TULP1: variants seen among roughly 807,000 people sequenced by gnomAD.
TULP1 encodes the protein TUB like protein 1, also known as tubby-related protein 1.
A neutral mutation model predicts 67.1 loss-of-function variants in TULP1; 50 were observed. The ratio of observed to expected loss-of-function variants is 0.75; its 90% CI spans 0.59 to 0.94. The LOEUF is 0.94. TULP1 is among the 40% of genes least tolerant of loss of function. The pLI is 0.00. For synonymous variants in TULP1, 297 were observed against 294.0 expected (o/e 1.01, Z -0.11); for missense variants, 746 against 734.1 (o/e 1.02, Z -0.19).
At position 35,506,050 on chromosome 6, in the gene TULP1, G is replaced by T. The variant is rs1214001883; in HGVS notation, c.952C>A (p.Arg318=). ...AGGAAGTAGGAGGGATACATGCCTC[G>T]ATCCATGCCCTTTTTGTCCCGGGTC... ...RLTRDKKGMD[R]GMYPSYFLHL... is the part of the protein sequence containing the mutation. The change falls in exon 10 of 15, where the codon CGA becomes AGA. Residue 318 remains arginine (R), a synonymous_variant. Transcript: ENST00000229771. The T allele has an allele frequency of 6.2e-7, 1 of 1,613,808 alleles. No homozygotes were observed. The highest frequency in any genetic ancestry group is 8.5e-7 in the Non-Finnish European group (1 of 1,180,034).
intron 14 of TULP1, among the ~76,000 whole-genome samples, chr6:35,499,747 A>G (rs932572944): frequency 2.0e-5 from 3 of 152,170 alleles, no homozygotes; most frequent in African/African-American, 2.4e-5. Context: ...TGCTCTGGCC[A>G]ATGCTGGAAT....
chr6:35,500,154 TGGGGTGCCCCAGG>T lies in TULP1; in HGVS notation c.1324-15_1324-3del. 1 of 1,613,918 alleles carries T rather than the reference TGGGGTGCCCCAGG, an allele frequency of 6.2e-7. No individual in the cohort carries two copies. Among genetic ancestry groups the T allele is most frequent in the Non-Finnish European group, 8.5e-7 (1 of 1,180,016 alleles). ...GCGCACCAGCAGGCCGTCACTAGCC[TGGGGTGCCCCAGG>T]GGAGTAGACAGGGAGAGGACAGTTA... On this transcript the variant is annotated splice_region_variant and splice_polypyrimidine_tract_variant and intron_variant, in intron 13 of 14. Coordinates refer to ENST00000229771, the MANE Select transcript of TULP1 (RefSeq NM_003322.6).
chr6:35,508,151 G>C (rs1214224804), intron 8 of TULP1, among the ~76,000 whole-genome samples: 1 of 152,220 alleles, frequency 6.6e-6, no homozygotes, highest in African/African-American at 2.4e-5. Context: ...CAGGTTTGCA[G>C]TGTGTTTGAG....
chr6:35,501,509 GAAA>G (rs67875217), intron 13 of TULP1, among the ~76,000 whole-genome samples: 1 of 88,778 alleles, frequency 1.1e-5, no homozygotes, highest in Non-Finnish European at 2.0e-5. Flanking sequence ...CTCGGTCTCA[GAAA>G]AAAAAAAAAA....
chr6:35,498,147 C>G lies in TULP1; in HGVS notation c.*180G>C. The G allele has an allele frequency of 1.9e-6, 2 of 1,049,978 alleles. No individual in the cohort carries two copies. The highest frequency in any genetic ancestry group is 2.7e-6 in the Non-Finnish European group (2 of 742,714). The allele number at this position is 1,049,978 out of a possible 1,614,324, so 65.0% of individuals were successfully genotyped here. A position where few individuals can be genotyped will look rare whatever the true frequency, so the allele number is the denominator to read the frequency against. ...TCCGTCCTACCCGCCGTCCGGGCTC[C>G]TCCTGCCTCGGCCTGTGCCAGGCTG... On this transcript the variant is annotated 3_prime_UTR_variant, in exon 15 of 15. Transcript: ENST00000229771. The surrounding 1 kb of genome is among the most constrained non-coding windows in gnomAD (Gnocchi z 6.7).
At position 35,498,003 on chromosome 6, in the gene TULP1, A is replaced by G. The variant is rs891492621; in HGVS notation, c.*324T>C. On this transcript the variant is annotated 3_prime_UTR_variant, in exon 15 of 15. Transcript: ENST00000229771. The surrounding 1 kb of genome is among the most constrained non-coding windows in gnomAD (Gnocchi z 6.7). ...GGTCCCGGGGAGAGGGGAGGTTAAAACAACAATGACTACTGCTCCCGGACA... is the reference window on the plus strand; with the variant it reads ...GGTCCCGGGGAGAGGGGAGGTTAAAGCAACAATGACTACTGCTCCCGGACA... The G allele has an allele frequency of 3.4e-5, 17 of 503,342 alleles. No individual in the cohort carries two copies. Among genetic ancestry groups the G allele is most frequent in the African/African-American group, 3.3e-4 (17 of 51,780 alleles). 31.2% of individuals were successfully genotyped at this position (503,342 alleles called of 1,614,324 possible). A position where few individuals can be genotyped will look rare whatever the true frequency, so the allele number is the denominator to read the frequency against.
At chr6:35,510,651 C>CA in intron 5 of TULP1, 1 of 1,014,848 alleles carries the variant, frequency 9.9e-7, no homozygotes, top group Admixed American at 2.7e-5. Context: ...GCTCAAGGGG[C>CA]AGGGGCAGTG....
Position 35,509,717 on chromosome 6 carries a change from C to G in TULP1, c.635G>C (p.Ser212Thr), listed in dbSNP as rs1371203038. ...TGGGCTCTTCCTCGCACTGGCTGGG[C>G]TCCCTGAGGGGTCCTTGTCGGCCTC... Reference protein sequence around the residue: ...SGEADKDPSGSPASARKSPAA... With the variant: ...SGEADKDPSGTPASARKSPAA... The change falls in exon 7 of 15, where the codon AGC becomes ACC. Residue 212 changes from serine (S) to threonine (T), a missense_variant. Transcript: ENST00000229771. The G allele has an allele frequency of 6.2e-7, 1 of 1,614,118 alleles. No individual in the cohort carries two copies. The highest frequency in any genetic ancestry group is 8.5e-7 in the Non-Finnish European group (1 of 1,180,028).
intron 13 of TULP1, among the ~76,000 whole-genome samples, chr6:35,502,030 G>A (rs1760977297): frequency 6.6e-6 from 1 of 151,926 alleles, no homozygotes; most frequent in Non-Finnish European, 1.5e-5. Context: ...TCTTCCCACT[G>A]CCCAGGTGCT....
At chr6:35,501,229 A>G (rs1451015911) in intron 13 of TULP1, among the ~76,000 whole-genome samples, 1 of 152,142 alleles carries the variant, frequency 6.6e-6, no homozygotes, top group Non-Finnish European at 1.5e-5. Context: ...AAGTCATGCC[A>G]AGCACAGTGG....
In TULP1 at chr6:35,512,221, TC is replaced by T. The variant is rs779910894; in HGVS notation, c.148del (p.Glu50AsnfsTer59). 9.4e-5 allele frequency: 128 copies of T among 1,366,614 alleles called. No individual in the cohort carries two copies. The highest frequency in any genetic ancestry group is 1.9e-6 in the Non-Finnish European group (2 of 1,059,164). 84.7% of individuals were successfully genotyped at this position (1,366,614 alleles called of 1,614,324 possible). On this transcript the variant is annotated frameshift_variant, in exon 3 of 15. Transcript: ENST00000229771. LOFTEE classifies it high-confidence loss of function. The stretch of plus-strand genomic sequence containing the variant: ...CTTGGATCCCGTGGGGCAGGGGGAT[TC>T]GGGGGCCTCCGTCCTCTTCTTCCTT... ...RLRKKRTEAPESPCPTGSKPR... is the reference protein window; with the variant it reads ...RLRKKRTEAPXSPCPTGSKPR...
chr6:35,512,459 C>A (rs1224263613), intron 2 of TULP1, among the ~76,000 whole-genome samples, 180 bp downstream of exon 2: 1 of 152,064 alleles, frequency 6.6e-6, no homozygotes, highest in Non-Finnish European at 1.5e-5. Flanking sequence ...CTCCAAAGTC[C>A]CTATTCCTTC....
At position 35,509,328 on chromosome 6, in the gene TULP1, G is replaced by A. The variant is rs761950348; in HGVS notation, c.719-16C>T. 6.2e-7 allele frequency: 1 copy of A among 1,611,718 alleles called. No individual in the cohort carries two copies. Among genetic ancestry groups the A allele is most frequent in the Non-Finnish European group, 8.5e-7 (1 of 1,177,942 alleles). Reference sequence around the variant, plus strand: ...TTGGGAGTGCCTGAGCGTGGAGGGGGAAACAAGGCTGTGAACTCCTCACCC... The same window carrying A: ...TTGGGAGTGCCTGAGCGTGGAGGGGAAAACAAGGCTGTGAACTCCTCACCC... On this transcript the variant is annotated splice_polypyrimidine_tract_variant and intron_variant, in intron 7 of 14. Transcript: ENST00000229771.
rs1768740651 is a variant in TULP1 at position 35,498,121 on chromosome 6, C to G, written c.*206G>C. 1 of 799,186 alleles carries G rather than the reference C, an allele frequency of 1.3e-6. No individual in the cohort carries two copies. Among genetic ancestry groups the G allele is most frequent in the Non-Finnish European group, 1.9e-6 (1 of 517,014 alleles). The allele number at this position is 799,186 out of a possible 1,614,324, so 49.5% of individuals were successfully genotyped here. On this transcript the variant is annotated 3_prime_UTR_variant, in exon 15 of 15. Coordinates refer to ENST00000229771, the MANE Select transcript of TULP1 (RefSeq NM_003322.6). The surrounding 1 kb of genome is among the most constrained non-coding windows in gnomAD (Gnocchi z 6.7). ...GGCTCCAACTCCAGATGTTCTTCAT[C>G]TCCGTCCTACCCGCCGTCCGGGCTC...
rs986255916 is a variant in TULP1, at chr6:35,506,049, C to A, written c.953G>T (p.Arg318Leu). 9.3e-6 allele frequency: 15 copies of A among 1,613,742 alleles called. No homozygotes were observed. The African/African-American group carries it at 1.9e-4, about 20-fold the overall frequency. ...CAGGAAGTAGGAGGGATACATGCCTCGATCCATGCCCTTTTTGTCCCGGGT... is the reference window on the plus strand; with the variant it reads ...CAGGAAGTAGGAGGGATACATGCCTAGATCCATGCCCTTTTTGTCCCGGGT... ...RLTRDKKGMD[R>L]GMYPSYFLHL... is the part of the protein sequence containing the mutation. Residue 318 changes from arginine (R) to leucine (L), a missense_variant, in exon 10 of 15, where the codon CGA (arginine) becomes CTA (leucine). Arg to Leu is a moderately radical substitution (Grantham distance 102). Around this residue, in one of 3 missense-constraint regions of TULP1, gnomAD observed 383 missense variants for 374.1 expected, o/e 1.02. Coordinates refer to ENST00000229771, the MANE Select transcript of TULP1 (RefSeq NM_003322.6).
intron 11 of TULP1, chr6:35,505,517 G>T (rs1272430703): frequency 2.3e-6 from 3 of 1,319,856 alleles, no homozygotes; most frequent in Non-Finnish European, 3.1e-6. Context: ...CATCGCCTGG[G>T]TGCTCATTAA....
rs371436525 is a variant in TULP1, at chr6:35,503,809, G to A, written c.1152C>T (p.Asn384=). 6.2e-5 allele frequency: 100 copies of A among 1,612,788 alleles called. No homozygotes were observed. The highest frequency in any genetic ancestry group is 1.7e-4 in the African/African-American group (13 of 74,904). ...TGTACCCACGCTGTGGGTTCTGCCC[G>A]TTGTCAAAGACCGTGAAGCGGTTCC... The part of the protein sequence containing the change: ...LLGNRFTVFD[N]GQNPQRGYST... Residue 384 remains asparagine, a synonymous_variant, in exon 12 of 15, where the codon AAC becomes AAT. Coordinates refer to ENST00000229771, the MANE Select transcript of TULP1 (RefSeq NM_003322.6). The surrounding 1 kb of genome is among the most constrained non-coding windows in gnomAD (Gnocchi z 4.0).
chr6:35,511,719 C>T lies in TULP1; in HGVS notation c.278G>A (p.Arg93Lys). ...GTCGCGCTTCTTGGCCTCGGGGTCC[C>T]TGAGGAACCTGGCGTAGACCGTCTG... ...APQTVYARFL[R>K]DPEAKKRDPR... Residue 93 changes from arginine (R) to lysine (K), a missense_variant, in exon 4 of 15, where the codon AGG becomes AAG. Arg to Lys is a conservative substitution (Grantham distance 26). Transcript: ENST00000229771. 6.3e-7 allele frequency: 1 copy of T among 1,592,726 alleles called. No homozygotes were observed. The highest frequency in any genetic ancestry group is 8.5e-7 in the Non-Finnish European group (1 of 1,169,880).
intron 10 of TULP1, 56 bp from the exon 11 acceptor site, chr6:35,505,909 A>T: frequency 1.2e-6 from 2 of 1,614,170 alleles, no homozygotes; most frequent in Non-Finnish European, 1.7e-6. Context: ...GAAGGGGTGG[A>T]GGTGAGCTGC....
Sources: gnomAD v4.1 joint callset for allele counts (sites outside exome capture counted in the v4.1 genomes callset) on GRCh38, gnomAD v4.1.1 for gene constraint, gnomAD v4.1.1 regional missense constraint, Gnocchi (gnomAD v3.1) non-coding constraint, MANE v1.5 for transcripts, NCBI Gene and HGNC (gene_info 2026-07-23, HGNC 2026-07-21) for gene names.